Variants in ZNF654 observed in about 807,000 individuals in gnomAD.
ZNF654 encodes the protein melanoma-associated antigen.
A neutral mutation model predicts 95.3 loss-of-function variants in ZNF654; 19 were observed. That is an observed-to-expected ratio of 0.20 (90% CI 0.14 to 0.29). ZNF654 has a LOEUF of 0.29. ZNF654 is among the 10% of genes least tolerant of loss of function. ZNF654 has a pLI of 1.00. For missense variants in ZNF654, 1,046 were observed against 1,341.0 expected, an observed-to-expected ratio of 0.78 and a Z score of 3.44; for synonymous variants, 413 against 457.9, an observed-to-expected ratio of 0.90 and a Z score of 1.25.
At chr3:88,090,578 TTATAAGTGCGG>T in intron 2 of ZNF654, among the ~76,000 whole-genome samples, 1 of 152,216 alleles carries the variant, frequency 6.6e-6, no homozygotes, top group East Asian at 1.9e-4. Context: ...AAAAAAATTT[TTATAAGTGCGG>T]TATAGCCTAC....
chr3:88,095,928 T>A, intron 2 of ZNF654: 1 of 374,708 alleles, frequency 2.7e-6, no homozygotes, highest in Non-Finnish European at 5.0e-6. Context: ...CTCCTCTTCA[T>A]TCTCTGATGA....
At chr3:88,075,417 AAC>A (rs1240997156) in intron 1 of ZNF654, among the ~76,000 whole-genome samples, 3 of 152,174 alleles carry the variant, frequency 2.0e-5, no homozygotes, top group Non-Finnish European at 4.4e-5. Flanking sequence ...CTATCATAAA[AAC>A]ACTCTTTTTG....
Position 88,138,772 on chromosome 3 carries a change from A to G in ZNF654, c.1103A>G (p.Asp368Gly), listed in dbSNP as rs898944729. The G allele has an allele frequency of 3.2e-6, 4 of 1,231,962 alleles. No individual in the cohort carries two copies. The African/African-American group carries it at 4.7e-5, about 14-fold the overall frequency. 76.3% of individuals were successfully genotyped at this position (1,231,962 alleles called of 1,614,324 possible). A position where few individuals can be genotyped will look rare whatever the true frequency, so the allele number is the denominator to read the frequency against. Residue 368 changes from aspartate (D) to glycine (G), a missense_variant, in exon 8 of 9, where the codon GAT becomes GGT. Physicochemically the swap from Asp to Gly is moderately conservative, Grantham distance 94. Transcript: ENST00000636215. ...CGCALQLDLHDDPKTKCLIYK... is the reference protein window; with the variant it reads ...CGCALQLDLHGDPKTKCLIYK... ...TGTGCTCTACAACTCGACCTTCATG[A>G]TGATCCCAAAACTAAATGTCTAATT...
At position 88,137,134 on chromosome 3, in the gene ZNF654, G is replaced by T. The variant is rs544807715; in HGVS notation, c.1036-1571G>T. ...TGCTTGAACCCGGGAGGCAGAGGTT[G>T]CAGTGAGCTGAGATCATGCCATTCT... On this transcript the variant is annotated intron_variant, in intron 7 of 8. Coordinates refer to ENST00000636215, the MANE Select transcript of ZNF654 (RefSeq NM_001350134.2). 5.2e-5 allele frequency among the ~76,000 whole-genome samples: 7 copies of T among 135,806 alleles called. No individual in the cohort carries two copies. The South Asian group carries it at 1.2e-3, about 23-fold the overall frequency. 89.1% of individuals were successfully genotyped at this position (135,806 alleles called of 152,430 possible). A position where few individuals can be genotyped will look rare whatever the true frequency, so the allele number is the denominator to read the frequency against.
chr3:88,141,064 T>G lies in ZNF654; in HGVS notation c.3379+16T>G. 1 of 1,568,744 alleles carries G rather than the reference T, an allele frequency of 6.4e-7. No homozygotes were observed. Among genetic ancestry groups the G allele is most frequent in the East Asian group, 2.2e-5 (1 of 44,658 alleles). On this transcript the variant is annotated intron_variant, in intron 8 of 8. Coordinates refer to ENST00000636215, the MANE Select transcript of ZNF654 (RefSeq NM_001350134.2). ...GATGATGAAAGTAAGTCTTCTGTCTTCTTAGTAGAGGTATCTGTAGAAAGA... is the reference window on the plus strand; with the variant it reads ...GATGATGAAAGTAAGTCTTCTGTCTGCTTAGTAGAGGTATCTGTAGAAAGA...
At chr3:88,131,586 T>C (rs144237190) in intron 6 of ZNF654, among the ~76,000 whole-genome samples, 170 of 152,256 alleles carry the variant, frequency 1.1e-3, no homozygotes, top group African/African-American at 3.8e-3. Context: ...TTCTACTCTT[T>C]AGGGAAGGAC....
In ZNF654 at chr3:88,085,330, A is replaced by G. The variant is rs73844860; in HGVS notation, c.187-927A>G. On this transcript the variant is annotated intron_variant, in intron 1 of 8. Transcript: ENST00000636215. ...TGTAGCAGGAAAGCAGCCACAGACA[A>G]TACATAAATGGATGAACCTGGTTGT... Among the ~76,000 whole-genome samples the G allele has an allele frequency of 3.2e-3, 488 of 152,338 alleles. 3 individuals carry two copies. The highest frequency in any genetic ancestry group is 0.011 in the African/African-American group (447 of 41,576).
At chr3:88,092,436 TA>T (rs1370626306) in intron 2 of ZNF654, among the ~76,000 whole-genome samples, 1 of 152,140 alleles carries the variant, frequency 6.6e-6, no homozygotes, top group Admixed American at 6.6e-5. Flanking sequence ...TGAGAGGGCA[TA>T]ACAGGGACTT....
chr3:88,133,752 A>C (rs543144487), intron 6 of ZNF654, among the ~76,000 whole-genome samples: 1 of 152,290 alleles, frequency 6.6e-6, no homozygotes, highest in South Asian at 2.1e-4. Context: ...CGGAGGCTGA[A>C]AACAGATCAG....
rs1344182411 is a variant in ZNF654, at chr3:88,059,290, G to A, written c.-30G>A. ...TCTACGGCGGCGGCGGCGGCGCAGG[G>A]GCTGGTACGCGCTGGGCGGCGAGAG... On this transcript the variant is annotated 5_prime_UTR_variant, in exon 1 of 9. Coordinates refer to ENST00000636215, the MANE Select transcript of ZNF654 (RefSeq NM_001350134.2). 1 of 1,531,856 alleles carries A rather than the reference G, an allele frequency of 6.5e-7. No individual in the cohort carries two copies. The highest frequency in any genetic ancestry group is 8.7e-7 in the Non-Finnish European group (1 of 1,145,930). The allele number at this position is 1,531,856 out of a possible 1,614,324, so 94.9% of individuals were successfully genotyped here.
intron 3 of ZNF654, among the ~76,000 whole-genome samples, chr3:88,120,571 C>T (rs952862937): frequency 6.6e-6 from 1 of 152,084 alleles, no homozygotes; most frequent in African/African-American, 2.4e-5. Context: ...AGAAGACAAA[C>T]ATGAGTTTTA....
intron 2 of ZNF654, among the ~76,000 whole-genome samples, chr3:88,092,681 T>C (rs1424639685): frequency 2.6e-5 from 4 of 152,220 alleles, no homozygotes; most frequent in Admixed American, 2.6e-4. Context: ...ATGAAGTTTA[T>C]TAAATAATGT....
At chr3:88,113,301 G>T in intron 3 of ZNF654, 105 bp downstream of exon 3, 1 of 613,120 alleles carries the variant, frequency 1.6e-6, no homozygotes, top group Non-Finnish European at 2.7e-6. Context: ...AGTTTTTAAT[G>T]ATTGCTAAGG....
chr3:88,069,505 G>T (rs1487338277), intron 1 of ZNF654, among the ~76,000 whole-genome samples: 1 of 152,140 alleles, frequency 6.6e-6, no homozygotes, highest in African/African-American at 2.4e-5. Context: ...TAGTAACAAT[G>T]GCTCAGTTAT....
At chr3:88,068,001 A>T (rs1707298373) in intron 1 of ZNF654, among the ~76,000 whole-genome samples, 1 of 151,978 alleles carries the variant, frequency 6.6e-6, no homozygotes, top group Non-Finnish European at 1.5e-5. Context: ...ATATTATAAG[A>T]CCCCTGAAGG....
intron 2 of ZNF654, among the ~76,000 whole-genome samples, chr3:88,093,602 GTC>G (rs1193956389): frequency 6.6e-6 from 1 of 152,192 alleles, no homozygotes; most frequent in Non-Finnish European, 1.5e-5. Flanking sequence ...GGTATAATCA[GTC>G]TCTTATTTTG....
In ZNF654 at chr3:88,068,769, T is replaced by A. The variant is rs79859306; in HGVS notation, c.186+9264T>A. The stretch of plus-strand genomic sequence containing the variant: ...TACAAGCTATGTGCCATTATTCTCA[T>A]TTTTATAGGTCAGGAAACTAAGACC... On this transcript the variant is annotated intron_variant, in intron 1 of 8. Transcript: ENST00000636215. Among the ~76,000 whole-genome samples the A allele has an allele frequency of 2.8e-3, 427 of 152,296 alleles. 3 individuals are homozygous for A. The highest frequency in any genetic ancestry group is 9.2e-3 in the African/African-American group (382 of 41,576).
At position 88,059,448 on chromosome 3, in the gene ZNF654, C is replaced by A; in HGVS notation, c.129C>A (p.Gly43=). The stretch of plus-strand genomic sequence containing the variant: ...ACGGCAGAGGCGGCGCTGGCAGCGG[C>A]AACTGCGGCGGCGGCGTCGGAATCA... ...AGDGRGGAGS[G]NCGGGVGISS... Residue 43 remains glycine (G), a synonymous_variant, in exon 1 of 9, where the codon GGC becomes GGA. Coordinates refer to ENST00000636215, the MANE Select transcript of ZNF654 (RefSeq NM_001350134.2). 1 of 1,524,072 alleles carries A rather than the reference C, an allele frequency of 6.6e-7. No homozygotes were observed. Among genetic ancestry groups the A allele is most frequent in the Non-Finnish European group, 8.7e-7 (1 of 1,142,872 alleles). The allele number at this position is 1,524,072 out of a possible 1,614,324, so 94.4% of individuals were successfully genotyped here. A position where few individuals can be genotyped will look rare whatever the true frequency, so the allele number is the denominator to read the frequency against.
intron 1 of ZNF654, among the ~76,000 whole-genome samples, chr3:88,066,659 T>C (rs1246029823): frequency 6.6e-6 from 1 of 152,196 alleles, no homozygotes; most frequent in African/African-American, 2.4e-5. Context: ...GTCATTGCTT[T>C]TAAGTTTTTT....
Sources: gnomAD v4.1 joint callset for allele counts (sites outside exome capture counted in the v4.1 genomes callset) on GRCh38, gnomAD v4.1.1 for gene constraint, MANE v1.5 for transcripts, NCBI Gene and HGNC (gene_info 2026-07-23, HGNC 2026-07-21) for gene names.